DAZAP1: variants seen among roughly 807,000 people sequenced by gnomAD.
DAZAP1 encodes the protein DAZ-associated protein 1.
Under a neutral mutation model 60.1 loss-of-function variants are expected in DAZAP1, and 6 were observed. The ratio of observed to expected loss-of-function variants is 0.10; its 90% CI spans 0.05 to 0.20. The LOEUF (loss-of-function observed/expected upper bound fraction) is 0.20, where lower values mean the gene tolerates loss of function less well. Among genes scored for constraint, DAZAP1 ranks in the 10% least tolerant of loss-of-function variants. The pLI is 1.00. For synonymous variants in DAZAP1, 235 were observed against 215.9 expected, an observed-to-expected ratio of 1.09 and a Z score of -0.78; for missense variants, 366 against 560.4, an observed-to-expected ratio of 0.65 and a Z score of 3.50.
chr19:1,423,700 G>A lies in DAZAP1; in HGVS notation c.463+1304G>A, dbSNP rs1295564583. 6.6e-6 allele frequency among the ~76,000 whole-genome samples: 1 copy of A among 152,254 alleles called. No homozygotes were observed. The highest frequency in any genetic ancestry group is 1.5e-5 in the Non-Finnish European group (1 of 68,048). ...GAAAATGTCTACTTCTAAATACGTT[G>A]TTTCATCACCGATGCTGTGTTCCAA... On this transcript the variant is annotated intron_variant, in intron 6 of 11. Coordinates refer to ENST00000233078, the MANE Select transcript of DAZAP1 (RefSeq NM_018959.4). This position sits in a 1 kb window ranked among gnomAD's most constrained non-coding sequence, Gnocchi z 6.8.
rs540126367 is a variant in DAZAP1, at chr19:1,432,299, C to T, written c.872-215C>T. ...GTGGCCCTGCTGCAGCTCAGCATCC[C>T]GCCACGCTCCCAGGAGTGTGTGTTT... On this transcript the variant is annotated intron_variant, in intron 10 of 11. Transcript: ENST00000233078. This position sits in a 1 kb window ranked among gnomAD's most constrained non-coding sequence, Gnocchi z 4.9. 1.6e-4 allele frequency: 92 copies of T among 584,894 alleles called. No homozygotes were observed. The East Asian group carries it at 1.6e-3, about 10-fold the overall frequency. 36.2% of individuals were successfully genotyped at this position (584,894 alleles called of 1,614,324 possible).
chr19:1,415,632 C>T (rs2082960854), intron 1 of DAZAP1: 11 of 151,656 alleles, frequency 7.3e-5, no homozygotes. Context: ...GTGAGGCACG[C>T]GGAGGCCTCG....
intron 4 of DAZAP1, among the ~76,000 whole-genome samples, chr19:1,419,247 C>T (rs2083076694): frequency 6.6e-6 from 1 of 152,218 alleles, no homozygotes; most frequent in Non-Finnish European, 1.5e-5. Context: ...ACCACCCACA[C>T]CTCACCTTCC....
rs1735039207 is a variant in DAZAP1, at chr19:1,428,659, A to T, written c.547-183A>T. On this transcript the variant is annotated intron_variant, in intron 7 of 11. Transcript: ENST00000233078. The surrounding 1 kb of genome is among the most constrained non-coding windows in gnomAD (Gnocchi z 4.0). ...TGAGAAACATTTTTTAAACAAAAAAATTCAACACAAAAGAATTTTTTAAGA... is the reference window on the plus strand; with the variant it reads ...TGAGAAACATTTTTTAAACAAAAAATTTCAACACAAAAGAATTTTTTAAGA... The T allele has an allele frequency of 1.3e-6, 1 of 764,610 alleles. No homozygotes were observed. Among genetic ancestry groups the T allele is most frequent in the Non-Finnish European group, 2.0e-6 (1 of 491,440 alleles). The allele number at this position is 764,610 out of a possible 1,614,324, so 47.4% of individuals were successfully genotyped here.
At chr19:1,419,466 G>C (rs1250546386) in intron 4 of DAZAP1, among the ~76,000 whole-genome samples, 1 of 152,164 alleles carries the variant, frequency 6.6e-6, no homozygotes, top group Non-Finnish European at 1.5e-5. Context: ...CCTAAGGACC[G>C]GAGGGTGCGT....
At position 1,426,365 on chromosome 19, in the gene DAZAP1, G is replaced by T. The variant is rs2083305337; in HGVS notation, c.546+405G>T. On this transcript the variant is annotated intron_variant, in intron 7 of 11. Transcript: ENST00000233078. This position sits in a 1 kb window ranked among gnomAD's most constrained non-coding sequence, Gnocchi z 5.4. ...CTGACCTGTAATGTGATCAGCAAGG[G>T]ACCTTTGAGAGCCGAGGTTCCGCTT... 1 of 181,122 alleles carries T rather than the reference G, an allele frequency of 5.5e-6. No homozygotes were observed. Among genetic ancestry groups the T allele is most frequent in the Admixed American group, 5.7e-5 (1 of 17,522 alleles). 11.2% of individuals were successfully genotyped at this position (181,122 alleles called of 1,614,324 possible). A position where few individuals can be genotyped will look rare whatever the true frequency, so the allele number is the denominator to read the frequency against.
intron 4 of DAZAP1, among the ~76,000 whole-genome samples, chr19:1,420,608 G>A (rs371443435): frequency 4.0e-4 from 61 of 152,258 alleles, no homozygotes; most frequent in African/African-American, 1.3e-3. Context: ...CCGAGGCCCC[G>A]GGAAGTGGTG....
At position 1,407,708 on chromosome 19, in the gene DAZAP1, T is replaced by C; in HGVS notation, c.-66T>C. On this transcript the variant is annotated 5_prime_UTR_variant, in exon 1 of 12. Coordinates refer to ENST00000233078, the MANE Select transcript of DAZAP1 (RefSeq NM_018959.4). ...GCTGTGGGGAGGGCGACGGAGCGGG[T>C]GACCTTCCGGAGGCGGGAGCGAGCG... The C allele has an allele frequency of 1.9e-6, 2 of 1,043,728 alleles. No homozygotes were observed. The highest frequency in any genetic ancestry group is 2.3e-6 in the Non-Finnish European group (2 of 870,932). 64.7% of individuals were successfully genotyped at this position (1,043,728 alleles called of 1,614,324 possible). A position where few individuals can be genotyped will look rare whatever the true frequency, so the allele number is the denominator to read the frequency against.
chr19:1,424,227 G>A (rs2083242549), intron 6 of DAZAP1, among the ~76,000 whole-genome samples: 3 of 151,864 alleles, frequency 2.0e-5, no homozygotes, highest in South Asian at 2.1e-4. Flanking sequence ...CGCTCCAGCC[G>A]CTGCCTCGTT....
Position 1,425,191 on chromosome 19 carries a change from G to C in DAZAP1, c.464-687G>C, listed in dbSNP as rs1247503484. 6.6e-6 allele frequency among the ~76,000 whole-genome samples: 1 copy of C among 152,210 alleles called. No individual in the cohort carries two copies. Among genetic ancestry groups the C allele is most frequent in the African/African-American group, 2.4e-5 (1 of 41,444 alleles). Reference sequence around the variant, plus strand: ...GAACATGCATAGATGTCTACGATATGACCTCTTCTAGGACTCCTTGGGCTT... The same window carrying C: ...GAACATGCATAGATGTCTACGATATCACCTCTTCTAGGACTCCTTGGGCTT... On this transcript the variant is annotated intron_variant, in intron 6 of 11. Coordinates refer to ENST00000233078, the MANE Select transcript of DAZAP1 (RefSeq NM_018959.4). The surrounding 1 kb of genome is among the most constrained non-coding windows in gnomAD (Gnocchi z 5.4).
chr19:1,418,617 A>G lies in DAZAP1; in HGVS notation c.238-49A>G. The G allele has an allele frequency of 6.2e-7, 1 of 1,610,590 alleles. No homozygotes were observed. The highest frequency in any genetic ancestry group is 8.5e-7 in the Non-Finnish European group (1 of 1,177,072). On this transcript the variant is annotated intron_variant, in intron 3 of 11. Transcript: ENST00000233078. The surrounding 1 kb of genome is among the most constrained non-coding windows in gnomAD (Gnocchi z 5.7). Reference sequence around the variant, plus strand: ...CTGTTGTGCTGACACCCTCTTTCCTAGAGAAACAGCCTCTTATTCACAACC... The same window carrying G: ...CTGTTGTGCTGACACCCTCTTTCCTGGAGAAACAGCCTCTTATTCACAACC...
Position 1,407,759 on chromosome 19 carries a change from G to T in DAZAP1, c.-15G>T. 1.8e-6 allele frequency: 2 copies of T among 1,083,082 alleles called. No individual in the cohort carries two copies. The highest frequency in any genetic ancestry group is 2.2e-6 in the Non-Finnish European group (2 of 893,744). 67.1% of individuals were successfully genotyped at this position (1,083,082 alleles called of 1,614,324 possible). A position where few individuals can be genotyped will look rare whatever the true frequency, so the allele number is the denominator to read the frequency against. ...AGGAGGCCCGGGAGCGCCGAGCGTC[G>T]CCGCCGCCGCCGCCATGAACAACTC... is the stretch of plus-strand genomic sequence containing the variant. On this transcript the variant is annotated 5_prime_UTR_variant, in exon 1 of 12. Coordinates refer to ENST00000233078, the MANE Select transcript of DAZAP1 (RefSeq NM_018959.4).
At chr19:1,417,082 A>C in intron 1 of DAZAP1, 3 of 177,444 alleles carry the variant, frequency 1.7e-5, no homozygotes, top group South Asian at 8.0e-5. Flanking sequence ...ATAGGCTTCT[A>C]GTTTACTGTG....
In DAZAP1 at chr19:1,418,824, G is replaced by A. The variant is rs1341767760; in HGVS notation, c.303+93G>A. On this transcript the variant is annotated intron_variant, in intron 4 of 11. Coordinates refer to ENST00000233078, the MANE Select transcript of DAZAP1 (RefSeq NM_018959.4). This position sits in a 1 kb window ranked among gnomAD's most constrained non-coding sequence, Gnocchi z 5.7. ...TCAATCTGCTGTTGTCGCTCGTTAA[G>A]ATTGAGGGCGACGCAGGTCTTCTGG... 13 of 1,328,974 alleles carry A rather than the reference G, an allele frequency of 9.8e-6. No individual in the cohort carries two copies. The highest frequency in any genetic ancestry group is 1.2e-5 in the Non-Finnish European group (12 of 964,378). 82.3% of individuals were successfully genotyped at this position (1,328,974 alleles called of 1,614,324 possible). A position where few individuals can be genotyped will look rare whatever the true frequency, so the allele number is the denominator to read the frequency against.
intron 1 of DAZAP1, chr19:1,417,263 C>T (rs187562321): frequency 3.7e-5 from 21 of 570,638 alleles, no homozygotes; most frequent in African/African-American, 1.5e-4. Context: ...GGTCAGCGTG[C>T]GGCTCTGTGG....
chr19:1,428,432 C>G lies in DAZAP1; in HGVS notation c.547-410C>G. On this transcript the variant is annotated intron_variant, in intron 7 of 11. Transcript: ENST00000233078. The surrounding 1 kb of genome is among the most constrained non-coding windows in gnomAD (Gnocchi z 4.0). ...CACAGGTGGGCGGGCTCCAAGCAGTCCAGAGGGCGATGAGGATGCCGATTG... is the reference window on the plus strand; with the variant it reads ...CACAGGTGGGCGGGCTCCAAGCAGTGCAGAGGGCGATGAGGATGCCGATTG... 1 of 173,916 alleles carries G rather than the reference C, an allele frequency of 5.7e-6. No homozygotes were observed. Among genetic ancestry groups the G allele is most frequent in the South Asian group, 1.2e-4 (1 of 8,164 alleles). The allele number at this position is 173,916 out of a possible 1,614,324, so 10.8% of individuals were successfully genotyped here. A position where few individuals can be genotyped will look rare whatever the true frequency, so the allele number is the denominator to read the frequency against.
At chr19:1,421,430 G>A (rs1029847619) in intron 5 of DAZAP1, among the ~76,000 whole-genome samples, 172 bp downstream of exon 5, 7 of 152,270 alleles carry the variant, frequency 4.6e-5, no homozygotes, top group Admixed American at 1.3e-4. Context: ...TGGAAAGCCC[G>A]GCCTTTGCCT....
chr19:1,419,522 G>T (rs375700602), intron 4 of DAZAP1, among the ~76,000 whole-genome samples: 4 of 152,206 alleles, frequency 2.6e-5, no homozygotes, highest in Non-Finnish European at 5.9e-5. Context: ...CCGTCAGCAC[G>T]CTGGAAAGCG....
chr19:1,431,939 C>T (rs1216585284), intron 10 of DAZAP1: 1 of 154,032 alleles, frequency 6.5e-6, no homozygotes, highest in African/African-American at 2.4e-5. Flanking sequence ...TCCACGTGGC[C>T]GTGGTACAGG....
Sources: allele counts gnomAD v4.1 joint callset (sites outside exome capture counted in the v4.1 genomes callset), GRCh38; gene constraint gnomAD v4.1.1; non-coding constraint Gnocchi (gnomAD v3.1); transcripts MANE v1.5; gene names NCBI Gene and HGNC (gene_info 2026-07-23, HGNC 2026-07-21).